MAN1C1: variants seen among roughly 807,000 people sequenced by gnomAD.
MAN1C1 encodes mannosidase alpha class 1C member 1, also known as mannosyl-oligosaccharide 1,2-alpha-mannosidase IC.
Under a neutral mutation model 71.5 loss-of-function variants are expected in MAN1C1, and 49 were observed. That is an observed-to-expected ratio of 0.69 (90% confidence interval 0.54 to 0.87). The LOEUF is 0.87. Ranked by LOEUF, MAN1C1 falls within the 40% of genes least tolerant of loss-of-function variation. The pLI is 0.00. For missense variants in MAN1C1, 743 were observed against 835.0 expected, an observed-to-expected ratio of 0.89 and a Z score of 1.36; for synonymous variants, 352 against 343.7, an observed-to-expected ratio of 1.02 and a Z score of -0.27.
chr1:25,759,050 T>G, intron 6 of MAN1C1: 1 of 252,484 alleles, frequency 4.0e-6, no homozygotes, highest in Non-Finnish European at 7.8e-6. Context: ...GGCACCACCT[T>G]GCATTGGCAG....
At chr1:25,696,119 G>T (rs1020567652) in intron 2 of MAN1C1, among the ~76,000 whole-genome samples, 1 of 152,212 alleles carries the variant, frequency 6.6e-6, no homozygotes, top group Non-Finnish European at 1.5e-5. Flanking sequence ...TGGTGGCAGC[G>T]TGTTCCGCCC....
intron 8 of MAN1C1, 143 bp from the exon 9 acceptor site, chr1:25,777,962 A>G (rs919562008): frequency 1.6e-6 from 1 of 630,984 alleles, no homozygotes; most frequent in Non-Finnish European, 2.7e-6. Flanking sequence ...GCAGAGATCA[A>G]TGGGCCTCCT....
chr1:25,723,450 A>G (rs960291749), intron 2 of MAN1C1, among the ~76,000 whole-genome samples: 1 of 152,170 alleles, frequency 6.6e-6, no homozygotes, highest in African/African-American at 2.4e-5. Context: ...TGCTTGCATC[A>G]TCATGGCTTA....
chr1:25,660,091 A>G (rs2045824338), intron 1 of MAN1C1, among the ~76,000 whole-genome samples: 1 of 152,160 alleles, frequency 6.6e-6, no homozygotes, highest in Admixed American at 6.5e-5. Flanking sequence ...AGAGAATGCT[A>G]ATCAGATTAA....
intron 1 of MAN1C1, among the ~76,000 whole-genome samples, chr1:25,670,729 T>C (rs901233344): frequency 6.6e-6 from 1 of 152,218 alleles, no homozygotes; most frequent in Non-Finnish European, 1.5e-5. Context: ...CTTCAAACAC[T>C]GGCTCTGCCA....
At chr1:25,696,455 T>C (rs2046371153) in intron 2 of MAN1C1, among the ~76,000 whole-genome samples, 1 of 152,134 alleles carries the variant, frequency 6.6e-6, no homozygotes, top group Non-Finnish European at 1.5e-5. Context: ...GGGGTATAAC[T>C]TATAACATGT....
intron 11 of MAN1C1, among the ~76,000 whole-genome samples, chr1:25,783,023 G>A (rs72877409): frequency 1.2e-4 from 19 of 152,292 alleles, no homozygotes; most frequent in African/African-American, 3.9e-4. Context: ...TAGGGTTAAC[G>A]ATGATGATGT....
intron 2 of MAN1C1, among the ~76,000 whole-genome samples, chr1:25,705,123 T>A (rs2124230001): frequency 1.3e-5 from 2 of 152,338 alleles, no homozygotes; most frequent in East Asian, 3.9e-4. Context: ...TTTTAAATGA[T>A]CAGTTTAATA....
intron 2 of MAN1C1, among the ~76,000 whole-genome samples, chr1:25,701,857 C>G (rs925050821): frequency 6.6e-6 from 1 of 152,114 alleles, no homozygotes; most frequent in Admixed American, 6.5e-5. Flanking sequence ...GTCAGGAGTT[C>G]AAGACCAGCC....
intron 1 of MAN1C1, among the ~76,000 whole-genome samples, chr1:25,677,358 G>T (rs1191188761): frequency 6.6e-6 from 1 of 152,072 alleles, no homozygotes; most frequent in African/African-American, 2.4e-5. Context: ...ACAGGCTACA[G>T]GAAGGGAGGG....
intron 1 of MAN1C1, among the ~76,000 whole-genome samples, chr1:25,646,653 C>T (rs2045619222): frequency 6.6e-6 from 1 of 152,164 alleles, no homozygotes; most frequent in Non-Finnish European, 1.5e-5. Context: ...CTTTCTGCCT[C>T]TGAATTTTTC....
chr1:25,761,911 C>G (rs1396466336), intron 6 of MAN1C1, among the ~76,000 whole-genome samples: 1 of 152,018 alleles, frequency 6.6e-6, no homozygotes, highest in Non-Finnish European at 1.5e-5. Flanking sequence ...GGGTGAGCCA[C>G]TGCACCCAGC....
chr1:25,745,886 G>A (rs1326915816), intron 2 of MAN1C1, among the ~76,000 whole-genome samples: 1 of 152,024 alleles, frequency 6.6e-6, no homozygotes, highest in East Asian at 1.9e-4. Context: ...AGCTACTTGG[G>A]AGGCTGAGGC....
chr1:25,755,093 G>A (rs982901433), intron 5 of MAN1C1, among the ~76,000 whole-genome samples: 1 of 152,180 alleles, frequency 6.6e-6, no homozygotes, highest in Non-Finnish European at 1.5e-5. Flanking sequence ...CCCAACAGGA[G>A]GGGGAAGAAC....
Position 25,783,773 on chromosome 1 carries a change from C to T in MAN1C1, c.1877C>T (p.Ala626Val). 1 of 1,611,570 alleles carries T rather than the reference C, an allele frequency of 6.2e-7. No homozygotes were observed. Among genetic ancestry groups the T allele is most frequent in the South Asian group, 1.1e-5 (1 of 91,088 alleles). Reference sequence around the variant, plus strand: ...AACCACTCAGACAGCTCCGGCAGAGCCTGGGGCAGACACTGACCCCATCTC... The same window carrying T: ...AACCACTCAGACAGCTCCGGCAGAGTCTGGGGCAGACACTGACCCCATCTC... ...PVNHSDSSGR[A>V]WGRH The change falls in exon 12 of 12, where the codon GCC (alanine) becomes GTC (valine). Residue 626 changes from alanine (A) to valine (V), a missense_variant. Ala to Val is a moderately conservative substitution (Grantham distance 64, BLOSUM62 0). Coordinates refer to ENST00000374332, the MANE Select transcript of MAN1C1 (RefSeq NM_020379.4).
chr1:25,705,051 AAGTATCTG>A (rs992460508), intron 2 of MAN1C1, among the ~76,000 whole-genome samples: 1 of 152,238 alleles, frequency 6.6e-6, no homozygotes, highest in African/African-American at 2.4e-5. Flanking sequence ...TTTATGTTGG[AAGTATCTG>A]AGTGTGAAAA....
intron 3 of MAN1C1, among the ~76,000 whole-genome samples, chr1:25,747,467 A>G (rs1323451812): frequency 6.6e-6 from 1 of 152,180 alleles, no homozygotes; most frequent in Non-Finnish European, 1.5e-5. Flanking sequence ...GAGAGAGGCT[A>G]TTTACATAGA....
chr1:25,690,983 G>A (rs1204803845), intron 2 of MAN1C1, among the ~76,000 whole-genome samples: 3 of 152,184 alleles, frequency 2.0e-5, no homozygotes, highest in Non-Finnish European at 2.9e-5. Flanking sequence ...TGTTACACCT[G>A]CCGCTAGGCT....
chr1:25,709,812 C>G (rs966574082), intron 2 of MAN1C1: 1 of 152,162 alleles, frequency 6.6e-6, no homozygotes, highest in Middle Eastern at 3.1e-3. Flanking sequence ...GTGGCATAGT[C>G]TCGGCTCACT....
Sources: gnomAD v4.1 joint callset for allele counts (sites outside exome capture counted in the v4.1 genomes callset) on GRCh38, gnomAD v4.1.1 for gene constraint, MANE v1.5 for transcripts, NCBI Gene and HGNC (gene_info 2026-07-23, HGNC 2026-07-21) for gene names.